ZNF561: variants seen among roughly 807,000 people sequenced by gnomAD.
ZNF561 encodes zinc finger protein 561.
Under a neutral mutation model 16.7 loss-of-function variants are expected in ZNF561, and 16 were observed. That is an observed-to-expected ratio of 0.96 (90% CI 0.65 to 1.45). The LOEUF is 1.45. Among genes scored for constraint, ZNF561 ranks in the 40% most tolerant of loss-of-function variants. The probability of loss-of-function intolerance (pLI) is 0.00; values close to 1 mark genes in which losing one functional copy is unlikely to be tolerated. For missense variants in ZNF561, 580 were observed against 578.0 expected (o/e 1.00, Z -0.04); for synonymous variants, 190 against 192.1 (o/e 0.99, Z 0.09).
In ZNF561 at chr19:9,617,276, G is replaced by C. The variant is rs1042880691; in HGVS notation, c.115-105C>G. The C allele has an allele frequency of 5.5e-6, 8 of 1,445,134 alleles. No homozygotes were observed. The Middle Eastern group carries it at 5.5e-4, about 99-fold the overall frequency. 89.5% of individuals were successfully genotyped at this position (1,445,134 alleles called of 1,614,324 possible). ...TATACTCACTTACACGTGGTTGTCA[G>C]GTCTCCCATGATCTACTCCAGGGTT... On this transcript the variant is annotated intron_variant, in intron 3 of 5. Coordinates refer to ENST00000302851, the MANE Select transcript of ZNF561 (RefSeq NM_152289.3).
chr19:9,610,760 G>C lies in ZNF561; in HGVS notation c.901C>G (p.Gln301Glu), dbSNP rs2074436320. 1 of 1,614,164 alleles carries C rather than the reference G, an allele frequency of 6.2e-7. No homozygotes were observed. The highest frequency in any genetic ancestry group is 1.3e-5 in the African/African-American group (1 of 75,052). ...TGTGGTTTTATTCCAGTGTGAATTT[G>C]AATGTGATCATTAAGGCATGAGGAA... ...RNSSCLNDHI[Q>E]IHTGIKPHKC... The change falls in exon 6 of 6, where the codon CAA (glutamine) becomes GAA (glutamate). Residue 301 changes from glutamine to glutamate, a missense_variant. Gln to Glu is a conservative substitution (Grantham distance 29). Transcript: ENST00000302851.
At chr19:9,616,784 C>T (rs1208777829) in intron 4 of ZNF561, among the ~76,000 whole-genome samples, 7 of 151,550 alleles carry the variant, frequency 4.6e-5, no homozygotes, top group Admixed American at 1.3e-4. Context: ...TTAGTAGAGA[C>T]GGGGTTTCAC....
At chr19:9,620,345 C>A (rs1341609384) in intron 1 of ZNF561, among the ~76,000 whole-genome samples, 1 of 152,082 alleles carries the variant, frequency 6.6e-6, no homozygotes. Flanking sequence ...CCACTTCAGC[C>A]CCCCAACTAG....
chr19:9,616,785 G>A (rs2074561950), intron 4 of ZNF561, among the ~76,000 whole-genome samples: 1 of 151,606 alleles, frequency 6.6e-6, no homozygotes. Flanking sequence ...TAGTAGAGAC[G>A]GGGTTTCACA....
chr19:9,615,924 A>G (rs762714621), intron 4 of ZNF561, among the ~76,000 whole-genome samples: 1 of 152,138 alleles, frequency 6.6e-6, no homozygotes, highest in Non-Finnish European at 1.5e-5. Flanking sequence ...AAGTACTACA[A>G]AAAGATGCTT....
In ZNF561 at chr19:9,611,174, A is replaced by G. The variant is rs147774487; in HGVS notation, c.487T>C (p.Ser163Pro). 1 of 1,613,866 alleles carries G rather than the reference A, an allele frequency of 6.2e-7. No individual in the cohort carries two copies. Among genetic ancestry groups the G allele is most frequent in the African/African-American group, 1.3e-5 (1 of 74,922 alleles). Residue 163 changes from serine to proline, a missense_variant, in exon 6 of 6, where the codon TCT (serine) becomes CCT (proline). Ser to Pro is a moderately conservative substitution (Grantham distance 74). Transcript: ENST00000302851. ...AATTTGGAAAGTTCCTGTCCAGTAG[A>G]GGCTTCCTTGTGCACACTGAGGGTG... is the stretch of plus-strand genomic sequence containing the variant. ...KDTLSVHKEA[S>P]TGQELSKFNP... is the part of the protein sequence containing the mutation.
intron 4 of ZNF561, chr19:9,614,363 C>A (rs1362126402): frequency 1.7e-5 from 6 of 345,308 alleles, no homozygotes; most frequent in South Asian, 1.5e-4. Context: ...AATCCCAGCA[C>A]TTTGGGAGGC....
chr19:9,612,129 T>C (rs1025916541), intron 5 of ZNF561, among the ~76,000 whole-genome samples: 24 of 151,828 alleles, frequency 1.6e-4, no homozygotes, highest in African/African-American at 5.3e-4. Flanking sequence ...GGTTTCACCA[T>C]GTTGGCCAGG....
Position 9,617,040 on chromosome 19 carries a change from C to A in ZNF561, c.241+5G>T, listed in dbSNP as rs1178382531. The A allele has an allele frequency of 5.0e-6, 8 of 1,607,832 alleles. No individual in the cohort carries two copies. The highest frequency in any genetic ancestry group is 6.8e-6 in the Non-Finnish European group (8 of 1,175,958). ...CCATGCCAAGCATAGTGATGTTACT[C>A]TTACCCACAGAGGCCAGGTTCATGT... On this transcript the variant is annotated splice_donor_5th_base_variant and intron_variant, in intron 4 of 5. Transcript: ENST00000302851.
rs1568224874 is a variant in ZNF561, at chr19:9,607,596, G to GT, written c.*2603dup. ...CAGCCAAGCCAATAAAATAGAGCAC[G>GT]TATCTCAGCAGAACTGCAGACAATT... is the stretch of plus-strand genomic sequence containing the variant. On this transcript the variant is annotated 3_prime_UTR_variant, in exon 6 of 6. Transcript: ENST00000302851. The GT allele has an allele frequency of 6.6e-6, 1 of 152,074 alleles. No individual in the cohort carries two copies. Among genetic ancestry groups the GT allele is most frequent in the African/African-American group, 2.4e-5 (1 of 41,410 alleles). The allele number at this position is 152,074 out of a possible 1,614,324, so 9.4% of individuals were successfully genotyped here. A position where few individuals can be genotyped will look rare whatever the true frequency, so the allele number is the denominator to read the frequency against.
intron 2 of ZNF561, 167 bp downstream of exon 2, chr19:9,619,262 TAAA>T: frequency 5.8e-6 from 2 of 342,090 alleles, no homozygotes; most frequent in Non-Finnish European, 1.0e-5. Flanking sequence ...GTCTCAAAAA[TAAA>T]TAAATAAATA....
intron 5 of ZNF561, among the ~76,000 whole-genome samples, chr19:9,611,903 T>C (rs370166040): frequency 1.3e-5 from 2 of 152,282 alleles, no homozygotes; most frequent in Admixed American, 6.5e-5. Flanking sequence ...TGCACCCTCA[T>C]GTCTGGCCAA....
rs1203530797 is a variant in ZNF561 at position 9,617,535 on chromosome 19, T to C, written c.115-364A>G. 2.4e-5 allele frequency: 8 copies of C among 339,426 alleles called. No individual in the cohort carries two copies. In the East Asian group the frequency reaches 5.2e-4, roughly 22 times the overall value. The allele number at this position is 339,426 out of a possible 1,614,324, so 21.0% of individuals were successfully genotyped here. ...TATCTAATCTGTTTATTTATTTATA[T>C]ATAAAAACAGGGTCCAACTGTGTCA... is the stretch of plus-strand genomic sequence containing the variant. On this transcript the variant is annotated intron_variant, in intron 3 of 5. Transcript: ENST00000302851.
intron 4 of ZNF561, 135 bp from the exon 5 acceptor site, chr19:9,614,238 CA>C: frequency 9.3e-7 from 1 of 1,073,202 alleles, no homozygotes; most frequent in Middle Eastern, 2.1e-4. Flanking sequence ...TTTGGTACAT[CA>C]AAAATTTGGC....
chr19:9,611,451 T>A (rs1361310915), intron 5 of ZNF561, 115 bp from the exon 6 acceptor site: 2 of 1,099,410 alleles, frequency 1.8e-6, no homozygotes, highest in African/African-American at 3.2e-5. Context: ...TAATATTTAA[T>A]TTTTTTTTCT....
rs146152637 is a variant in ZNF561 at position 9,610,612 on chromosome 19, G to A, written c.1049C>T (p.Ser350Leu). Reference sequence around the variant, plus strand: ...ACTTCGTATGTGTATAGAAAGGCCCGAGTACTGAGCAAAGGCTTGGCCACA... The same window carrying A: ...ACTTCGTATGTGTATAGAAAGGCCCAAGTACTGAGCAAAGGCTTGGCCACA... ...KECGQAFAQY[S>L]GLSIHIRSHS... The change falls in exon 6 of 6, where the codon TCG (serine) becomes TTG (leucine). Residue 350 changes from serine to leucine, a missense_variant. Coordinates refer to ENST00000302851, the MANE Select transcript of ZNF561 (RefSeq NM_152289.3). 63 of 1,613,804 alleles carry A rather than the reference G, an allele frequency of 3.9e-5. No homozygotes were observed. Among genetic ancestry groups the A allele is most frequent in the African/African-American group, 2.4e-4 (18 of 75,046 alleles).
At position 9,614,093 on chromosome 19, in the gene ZNF561, T is replaced by C. The variant is rs1599226610; in HGVS notation, c.252A>G (p.Ile84Met). Residue 84 changes from isoleucine to methionine, a missense_variant, in exon 5 of 6, where the codon ATA (isoleucine) becomes ATG (methionine). Physicochemically the swap from Ile to Met is conservative, Grantham distance 10. Coordinates refer to ENST00000302851, the MANE Select transcript of ZNF561 (RefSeq NM_152289.3). ...YMNLASVEWE[I>M]QPRTKRSSLQ... ...GTGATGACCGTTTGGTTCTAGGTTG[T>C]ATTTCCCATTCTAAAGTTAAGCAGA... The C allele has an allele frequency of 6.2e-7, 1 of 1,614,100 alleles. No individual in the cohort carries two copies.
At chr19:9,620,761 G>A (rs1340195594) in intron 1 of ZNF561, among the ~76,000 whole-genome samples, 1 of 152,144 alleles carries the variant, frequency 6.6e-6, no homozygotes, top group African/African-American at 2.4e-5. Flanking sequence ...TTCAAAAGTC[G>A]GCCGGGTGCA....
intron 2 of ZNF561, 112 bp downstream of exon 2, chr19:9,619,320 C>T (rs762646287): frequency 1.4e-5 from 12 of 867,076 alleles, no homozygotes; most frequent in Non-Finnish European, 2.1e-5. Context: ...CACTTCAATT[C>T]CTCCTAAAAG....
Sources: gnomAD v4.1 joint callset for allele counts (sites outside exome capture counted in the v4.1 genomes callset) on GRCh38, gnomAD v4.1.1 for gene constraint, MANE v1.5 for transcripts, NCBI Gene and HGNC (gene_info 2026-07-23, HGNC 2026-07-21) for gene names.